The following KIF13A variants were observed in gnomAD, a reference collection of about 807,000 sequenced individuals.
KIF13A encodes kinesin family member 13A, also known as kinesin-like protein KIF13A.
In KIF13A, 79 loss-of-function variants were observed where a neutral mutation model predicts 212.2. The ratio of observed to expected loss-of-function variants is 0.37; its 90% CI spans 0.31 to 0.45. The LOEUF is 0.45. Ranked by LOEUF, KIF13A falls within the 20% of genes least tolerant of loss-of-function variation. KIF13A has a pLI of 1.00. For missense variants in KIF13A, 1,901 were observed against 2,209.0 expected (o/e 0.86, Z 2.79); for synonymous variants, 789 against 808.6 (o/e 0.98, Z 0.41).
chr6:17,987,225 G>T lies in KIF13A; in HGVS notation c.56-81C>A. 4.7e-6 allele frequency: 6 copies of T among 1,270,170 alleles called. No individual in the cohort carries two copies. Among genetic ancestry groups the T allele is most frequent in the Non-Finnish European group, 6.5e-6 (6 of 919,864 alleles). The allele number at this position is 1,270,170 out of a possible 1,614,324, so 78.7% of individuals were successfully genotyped here. ...CCCGCCCGCCAGCCGCGCCGAGCGG[G>T]GCTCCGTCCCTGGAGGCGGCCGAGC... On this transcript the variant is annotated intron_variant, in intron 1 of 38. Transcript: ENST00000259711. This position sits in a 1 kb window ranked among gnomAD's most constrained non-coding sequence, Gnocchi z 7.7.
intron 3 of KIF13A, among the ~76,000 whole-genome samples, chr6:17,887,860 A>ATTT (rs34369336): frequency 7.3e-6 from 1 of 137,030 alleles, no homozygotes; most frequent in Non-Finnish European, 1.6e-5. Context: ...TGTCCAGCTA[A>ATTT]TTTTTTTTTT....
Position 17,912,234 on chromosome 6 carries a change from G to A in KIF13A, c.147-14054C>T, listed in dbSNP as rs1008786371. ...GTACCCTATAAATATATATACCTAC[G>A]ACATACCCAGAAAAATTAGAAGTTA... On this transcript the variant is annotated intron_variant, in intron 2 of 38. Coordinates refer to ENST00000259711, the MANE Select transcript of KIF13A (RefSeq NM_022113.6). This position sits in a 1 kb window ranked among gnomAD's most constrained non-coding sequence, Gnocchi z 4.2. Among the ~76,000 whole-genome samples, 5 of 151,746 alleles carry A rather than the reference G, an allele frequency of 3.3e-5. No homozygotes were observed. Among genetic ancestry groups the A allele is most frequent in the East Asian group, 1.9e-4 (1 of 5,162 alleles).
chr6:17,779,561 T>A, intron 32 of KIF13A, 31 bp downstream of exon 32: 1 of 999,724 alleles, frequency 1.0e-6, no homozygotes, highest in Middle Eastern at 2.3e-4. Flanking sequence ...CATGAGCCAC[T>A]GCGCCCGGCC....
chr6:17,972,416 T>C (rs1263379414), intron 2 of KIF13A, among the ~76,000 whole-genome samples: 10 of 152,220 alleles, frequency 6.6e-5, no homozygotes, highest in African/African-American at 1.9e-4. Context: ...CAATTACAAC[T>C]GCAAGCTCAG....
In KIF13A at chr6:17,947,958, C is replaced by T. The variant is rs1434203134; in HGVS notation, c.146+39096G>A. On this transcript the variant is annotated intron_variant, in intron 2 of 38. Transcript: ENST00000259711. This position sits in a 1 kb window ranked among gnomAD's most constrained non-coding sequence, Gnocchi z 4.6. ...TTTTTTCCACAAATATTTGATAAGG[C>T]AAATGCAGCAAAGCTTTAAAATGTG... is the stretch of plus-strand genomic sequence containing the variant. 6.6e-6 allele frequency among the ~76,000 whole-genome samples: 1 copy of T among 152,106 alleles called. No homozygotes were observed. Among genetic ancestry groups the T allele is most frequent in the African/African-American group, 2.4e-5 (1 of 41,430 alleles).
chr6:17,917,064 A>C (rs1292988459), intron 2 of KIF13A, among the ~76,000 whole-genome samples: 1 of 151,762 alleles, frequency 6.6e-6, no homozygotes, highest in Non-Finnish European at 1.5e-5. Flanking sequence ...CTGTGCCCAT[A>C]ACCTTCATGG....
Position 17,898,312 on chromosome 6 carries a change from G to T in KIF13A, c.147-132C>A. ...AGCACCTTGATAACATGATCTGAAAGATATTCTTCTTCATGAAGATCAGAA... is the reference window on the plus strand; with the variant it reads ...AGCACCTTGATAACATGATCTGAAATATATTCTTCTTCATGAAGATCAGAA... On this transcript the variant is annotated intron_variant, in intron 2 of 38. Coordinates refer to ENST00000259711, the MANE Select transcript of KIF13A (RefSeq NM_022113.6). The surrounding 1 kb of genome is among the most constrained non-coding windows in gnomAD (Gnocchi z 5.2). 1 of 799,676 alleles carries T rather than the reference G, an allele frequency of 1.3e-6. No homozygotes were observed. Among genetic ancestry groups the T allele is most frequent in the South Asian group, 1.7e-5 (1 of 57,238 alleles). The allele number at this position is 799,676 out of a possible 1,614,324, so 49.5% of individuals were successfully genotyped here. A position where few individuals can be genotyped will look rare whatever the true frequency, so the allele number is the denominator to read the frequency against.
At chr6:17,791,690 G>A (rs1761570146) in intron 25 of KIF13A, among the ~76,000 whole-genome samples, 1 of 151,880 alleles carries the variant, frequency 6.6e-6, no homozygotes, top group Non-Finnish European at 1.5e-5. Flanking sequence ...CATTTGAGGT[G>A]AGGAATGCAA....
intron 2 of KIF13A, among the ~76,000 whole-genome samples, chr6:17,921,759 A>AC (rs1489134488): frequency 6.6e-6 from 1 of 152,196 alleles, no homozygotes; most frequent in Non-Finnish European, 1.5e-5. Context: ...TGTGCTCTGA[A>AC]GACTAGCCTG....
chr6:17,859,638 ATTTTT>A (rs1176958380), intron 4 of KIF13A, among the ~76,000 whole-genome samples: 1 of 111,856 alleles, frequency 8.9e-6, no homozygotes, highest in African/African-American at 3.5e-5. Context: ...ATATATATAT[ATTTTT>A]TTTTTTTTTT....
rs1249562827 is a variant in KIF13A at position 17,895,815 on chromosome 6, A to C, written c.159+2353T>G. Among the ~76,000 whole-genome samples the C allele has an allele frequency of 1.3e-5, 2 of 152,208 alleles. No homozygotes were observed. The highest frequency in any genetic ancestry group is 4.8e-5 in the African/African-American group (2 of 41,452). ...ACTTGGCTTATCTCCAGTGCCTTCA[A>C]GCACAAGTTTTTAATATTTTGTCCA... On this transcript the variant is annotated intron_variant, in intron 3 of 38. Transcript: ENST00000259711. This position sits in a 1 kb window ranked among gnomAD's most constrained non-coding sequence, Gnocchi z 4.4.
intron 25 of KIF13A, among the ~76,000 whole-genome samples, chr6:17,792,108 C>T (rs1761621548): frequency 7.1e-6 from 1 of 141,490 alleles, no homozygotes; most frequent in African/African-American, 2.6e-5. Context: ...GAGACTGAGG[C>T]AGGAGAATCG....
At chr6:17,852,335 A>G (rs958465940) in intron 6 of KIF13A, among the ~76,000 whole-genome samples, 2 of 152,132 alleles carry the variant, frequency 1.3e-5, no homozygotes, top group Non-Finnish European at 2.9e-5. Context: ...GGATTGGGGG[A>G]AAAAGGGAAC....
intron 9 of KIF13A, among the ~76,000 whole-genome samples, chr6:17,842,513 T>C (rs1424593948): frequency 6.6e-6 from 1 of 152,158 alleles, no homozygotes; most frequent in Non-Finnish European, 1.5e-5. Context: ...TGTTTGCCAA[T>C]GTTAGTGGCA....
At chr6:17,927,939 C>T (rs1278633446) in intron 2 of KIF13A, among the ~76,000 whole-genome samples, 1 of 152,266 alleles carries the variant, frequency 6.6e-6, no homozygotes, top group African/African-American at 2.4e-5. Context: ...CAACAACACC[C>T]TGACCACTCA....
Position 17,799,170 on chromosome 6 carries a change from T to A in KIF13A, c.2790+96A>T. 1.3e-6 allele frequency: 1 copy of A among 756,504 alleles called. No individual in the cohort carries two copies. The highest frequency in any genetic ancestry group is 1.9e-6 in the Non-Finnish European group (1 of 519,830). The allele number at this position is 756,504 out of a possible 1,614,324, so 46.9% of individuals were successfully genotyped here. On this transcript the variant is annotated intron_variant, in intron 22 of 38. Transcript: ENST00000259711. This position sits in a 1 kb window ranked among gnomAD's most constrained non-coding sequence, Gnocchi z 4.4. ...AGGTTAAAACATCTAATAAACATAT[T>A]ATACTTAAAACAAATGCTTGTGGGG... is the stretch of plus-strand genomic sequence containing the variant.
intron 2 of KIF13A, among the ~76,000 whole-genome samples, chr6:17,954,635 T>C (rs1158180633): frequency 5.9e-5 from 9 of 152,182 alleles, no homozygotes; most frequent in Non-Finnish European, 1.3e-4. Context: ...CAAAACTAAA[T>C]TGTCTATTAC....
At chr6:17,945,688 C>G (rs1225697712) in intron 2 of KIF13A, among the ~76,000 whole-genome samples, 3 of 152,206 alleles carry the variant, frequency 2.0e-5, no homozygotes, top group Non-Finnish European at 2.9e-5. Context: ...ATTCTTTTCA[C>G]ATTGAACTAT....
Position 17,799,133 on chromosome 6 carries a change from G to T in KIF13A, c.2790+133C>A. On this transcript the variant is annotated intron_variant, in intron 22 of 38. Transcript: ENST00000259711. This position sits in a 1 kb window ranked among gnomAD's most constrained non-coding sequence, Gnocchi z 4.4. ...TCTAAACTATTTGCATTTGTAATGA[G>T]GTACATTTTTGAGGTTAAAACATCT... The T allele has an allele frequency of 4.2e-6, 2 of 477,252 alleles. No individual in the cohort carries two copies. 29.6% of individuals were successfully genotyped at this position (477,252 alleles called of 1,614,324 possible).
Sources: allele counts gnomAD v4.1 joint callset (sites outside exome capture counted in the v4.1 genomes callset), GRCh38; gene constraint gnomAD v4.1.1; non-coding constraint Gnocchi (gnomAD v3.1); transcripts MANE v1.5; gene names NCBI Gene and HGNC (gene_info 2026-07-23, HGNC 2026-07-21).